MICA: variants seen among roughly 807,000 people sequenced by gnomAD.
MICA encodes MHC class I polypeptide-related sequence A.
In MICA, 18 loss-of-function variants were observed where a neutral mutation model predicts 34.3. The observed-to-expected ratio is 0.52, with a 90% CI of 0.36 to 0.78. The LOEUF is 0.78. Among genes scored for constraint, MICA ranks in the 30% least tolerant of loss-of-function variants. MICA has a pLI of 0.00. For synonymous variants in MICA, 135 were observed against 156.9 expected, an observed-to-expected ratio of 0.86 and a Z score of 1.04; for missense variants, 333 against 409.4, an observed-to-expected ratio of 0.81 and a Z score of 1.61.
At chr6:31,407,843 TTC>T in intron 1 of MICA, among the ~76,000 whole-genome samples, 1 of 152,042 alleles carries the variant, frequency 6.6e-6, no homozygotes, top group Non-Finnish European at 1.5e-5. Context: ...CTTTCTTTCT[TTC>T]TCCTGTCTGA....
Position 31,411,843 on chromosome 6 carries a change from G to A in MICA, c.614-104G>A, listed in dbSNP as rs3828882. 0.29 allele frequency: 424,254 copies of A among 1,475,736 alleles called. 64,525 individuals are homozygous for A. The highest frequency in any genetic ancestry group is 0.45 in the African/African-American group (31,595 of 70,252). 91.4% of individuals were successfully genotyped at this position (1,475,736 alleles called of 1,614,324 possible). On this transcript the variant is annotated intron_variant, in intron 3 of 5. Transcript: ENST00000449934. This position sits in a 1 kb window ranked among gnomAD's most constrained non-coding sequence, Gnocchi z 4.3. ...GACAGACTTGCAGGTCAGGGGTCCC[G>A]GAGGGCTTCAGCCAGAGTGAGAACA... is the stretch of plus-strand genomic sequence containing the variant.
intron 5 of MICA, among the ~76,000 whole-genome samples, chr6:31,412,765 G>T (rs573483098): frequency 1.3e-5 from 2 of 151,696 alleles, no homozygotes; most frequent in Non-Finnish European, 1.5e-5. Context: ...TCACTAGGGC[G>T]CATCCAGGTG....
chr6:31,413,933 A>C (rs901739002), intron 5 of MICA, among the ~76,000 whole-genome samples: 5 of 152,062 alleles, frequency 3.3e-5, no homozygotes, highest in African/African-American at 9.7e-5. Flanking sequence ...CTATAATCTT[A>C]ATAGGATTTC....
In MICA at chr6:31,408,141, T is replaced by TA. The variant is rs575383812; in HGVS notation, c.71-2401dup. ...CCTTTATTCTGTTGATATGACGTATTACATTGATTGATTTGTGTATGTTAA... is the reference window on the plus strand; with the variant it reads ...CCTTTATTCTGTTGATATGACGTATTAACATTGATTGATTTGTGTATGTTAA... On this transcript the variant is annotated intron_variant, in intron 1 of 5. Coordinates refer to ENST00000449934, the MANE Select transcript of MICA (RefSeq NM_001177519.3). Among the ~76,000 whole-genome samples, 569 of 152,130 alleles carry TA rather than the reference T, an allele frequency of 3.7e-3. 9 individuals are homozygous for TA. The highest frequency in any genetic ancestry group is 0.01 in the Middle Eastern group (3 of 294).
Position 31,410,616 on chromosome 6 carries a change from G to A in MICA, c.144G>A (p.Glu48=). The A allele has an allele frequency of 1.2e-6, 2 of 1,613,552 alleles. No homozygotes were observed. The highest frequency in any genetic ancestry group is 1.7e-6 in the Non-Finnish European group (2 of 1,180,016). The part of the protein sequence containing the change: ...DGSVQSGFLA[E]VHLDGQPFLR... ...CTGTGCAGTCAGGGTTTCTTGCTGA[G>A]GTACATCTGGATGGTCAGCCCTTCC... The change falls in exon 2 of 6, where the codon GAG becomes GAA. Residue 48 remains glutamate (E), a synonymous_variant. Transcript: ENST00000449934.
chr6:31,401,587 G>A (rs889755319), upstream of MICA, among the ~76,000 whole-genome samples: 1 of 151,194 alleles, frequency 6.6e-6, no homozygotes, highest in African/African-American at 2.4e-5. Context: ...CTTGAGCCCA[G>A]GCATTCAAGG....
chr6:31,414,031 A>G (rs28642901), intron 5 of MICA, among the ~76,000 whole-genome samples: 48,519 of 151,760 alleles, frequency 0.32, 8,323 homozygotes, highest in African/African-American at 0.4. Flanking sequence ...TCATAATTTC[A>G]GCTCTGCAAT....
At chr6:31,403,437 C>G, upstream of MICA, 2 of 509,146 alleles carry the variant, frequency 3.9e-6, no homozygotes, top group Non-Finnish European at 6.8e-6. The surrounding 1 kb of genome is among the most constrained non-coding windows in gnomAD (Gnocchi z 4.7). Flanking sequence ...CCTTCTAAAT[C>G]TCCCCAGGTC....
chr6:31,402,778 T>C (rs1770508103), upstream of MICA, among the ~76,000 whole-genome samples: 2 of 151,706 alleles, frequency 1.3e-5, no homozygotes, highest in African/African-American at 4.9e-5. Flanking sequence ...TTTGTAGATC[T>C]CTCACATTGG....
chr6:31,411,337 C>A lies in MICA; in HGVS notation c.591C>A (p.Ser197=). The change falls in exon 3 of 6, where the codon TCC becomes TCA. Residue 197 remains serine (S), a synonymous_variant. Transcript: ENST00000449934. This position sits in a 1 kb window ranked among gnomAD's most constrained non-coding sequence, Gnocchi z 4.3. The part of the protein sequence containing the change: ...CLQELRRYLE[S]GVVLRRTVPP... ...AGGAACTACGGCGATATCTAGAATC[C>A]GGCGTAGTCCTGAGGAGAACAGGTA... is the stretch of plus-strand genomic sequence containing the variant. 6.3e-7 allele frequency: 1 copy of A among 1,577,018 alleles called. No homozygotes were observed. The highest frequency in any genetic ancestry group is 2.3e-5 in the East Asian group (1 of 42,578).
At position 31,412,470 on chromosome 6, in the gene MICA, G is replaced by A; in HGVS notation, c.*29+10G>A. 1.3e-6 allele frequency: 2 copies of A among 1,542,232 alleles called. No individual in the cohort carries two copies. Among genetic ancestry groups the A allele is most frequent in the Non-Finnish European group, 1.8e-6 (2 of 1,135,878 alleles). On this transcript the variant is annotated intron_variant, in intron 5 of 5. Coordinates refer to ENST00000449934, the MANE Select transcript of MICA (RefSeq NM_001177519.3). ...GCTGCAGAGGGTCCAGGTGAGAAAA[G>A]CGGGCAGTTTCTGGAGATGGTAAGG... is the stretch of plus-strand genomic sequence containing the variant.
At chr6:31,402,379 G>A (rs1770478135), upstream of MICA, 1 of 152,002 alleles carries the variant, frequency 6.6e-6, no homozygotes, top group African/African-American at 2.4e-5. Flanking sequence ...CAGAGCCCAC[G>A]TTTACTGCAA....
intron 1 of MICA, among the ~76,000 whole-genome samples, chr6:31,406,722 G>T (rs1424761453): frequency 6.6e-6 from 1 of 151,794 alleles, no homozygotes; most frequent in Non-Finnish European, 1.5e-5. Flanking sequence ...ACTTTGATTT[G>T]ATTTTTGTAT....
Position 31,411,343 on chromosome 6 carries a change from A to T in MICA, c.597A>T (p.Val199=). ...QELRRYLESG[V]VLRRTVPPMV... ...TACGGCGATATCTAGAATCCGGCGT[A>T]GTCCTGAGGAGAACAGGTACCGACG... Residue 199 remains valine (V), a synonymous_variant, in exon 3 of 6, where the codon GTA becomes GTT. Transcript: ENST00000449934. This position sits in a 1 kb window ranked among gnomAD's most constrained non-coding sequence, Gnocchi z 4.3. The T allele has an allele frequency of 6.4e-7, 1 of 1,570,092 alleles. No homozygotes were observed. Among genetic ancestry groups the T allele is most frequent in the Non-Finnish European group, 8.6e-7 (1 of 1,158,352 alleles).
At chr6:31,408,711 T>C (rs79953803) in intron 1 of MICA, among the ~76,000 whole-genome samples, 8,620 of 151,980 alleles carry the variant, frequency 0.057, 438 homozygotes, top group South Asian at 0.17. Flanking sequence ...ACTTATAATA[T>C]TTTTGAGGTT....
chr6:31,405,634 T>C (rs1398101212), intron 1 of MICA, among the ~76,000 whole-genome samples: 5 of 151,844 alleles, frequency 3.3e-5, no homozygotes, highest in African/African-American at 1.2e-4. Context: ...GTACTCACCC[T>C]GCTGTGCTAT....
chr6:31,402,187 A>T (rs1265966085), upstream of MICA: 1 of 151,902 alleles, frequency 6.6e-6, no homozygotes, highest in Non-Finnish European at 1.5e-5. Flanking sequence ...GGAGTGAAGA[A>T]GAAACAAAGA....
chr6:31,403,488 C>T (rs546250572), upstream of MICA: 81 of 608,884 alleles, frequency 1.3e-4, no homozygotes, highest in African/African-American at 1.1e-3. The surrounding 1 kb of genome is among the most constrained non-coding windows in gnomAD (Gnocchi z 4.7). Flanking sequence ...GTGGCCCCGC[C>T]CTCTCCGCTC....
At chr6:31,406,118 C>T (rs1454804180) in intron 1 of MICA, among the ~76,000 whole-genome samples, 4 of 151,864 alleles carry the variant, frequency 2.6e-5, no homozygotes, top group Non-Finnish European at 4.4e-5. Flanking sequence ...TTTGGAAGAA[C>T]CTCCACATTG....
Sources: gnomAD v4.1 joint callset for allele counts (sites outside exome capture counted in the v4.1 genomes callset) on GRCh38, gnomAD v4.1.1 for gene constraint, Gnocchi (gnomAD v3.1) non-coding constraint, MANE v1.5 for transcripts, NCBI Gene and HGNC (gene_info 2026-07-23, HGNC 2026-07-21) for gene names.